The following CNTN1 variants were observed in gnomAD, a reference collection of about 807,000 sequenced individuals.
CNTN1 encodes contactin-1.
CNTN1 carries 38 observed loss-of-function variants against 126.4 expected under a neutral mutation model. That is an observed-to-expected ratio of 0.30 (90% CI 0.23 to 0.39). The LOEUF (loss-of-function observed/expected upper bound fraction) is 0.39, where lower values mean the gene tolerates loss of function less well. Among genes scored for constraint, CNTN1 ranks in the 10% least tolerant of loss-of-function variants. The pLI, the probability that CNTN1 is intolerant of heterozygous loss-of-function variation, is 1.00. For synonymous variants in CNTN1, 413 were observed against 422.6 expected, an observed-to-expected ratio of 0.98 and a Z score of 0.28; for missense variants, 1,009 against 1,248.4, an observed-to-expected ratio of 0.81 and a Z score of 2.89.
chr12:40,695,911 A>T (rs1941439682), intron 1 of CNTN1, among the ~76,000 whole-genome samples: 1 of 152,178 alleles, frequency 6.6e-6, no homozygotes. Flanking sequence ...CCCTCCCATT[A>T]GCCATTTCCT....
intron 1 of CNTN1, among the ~76,000 whole-genome samples, chr12:40,866,756 C>A (rs1264137883): frequency 2.0e-5 from 3 of 152,048 alleles, no homozygotes; most frequent in African/African-American, 7.2e-5. Flanking sequence ...TCTCACTCAC[C>A]TGTTTATTTT....
chr12:40,825,496 C>CA (rs1941583694), intron 1 of CNTN1, among the ~76,000 whole-genome samples: 2 of 152,114 alleles, frequency 1.3e-5, no homozygotes, highest in South Asian at 4.1e-4. Context: ...CTATAAAATT[C>CA]AAAATATTGG....
intron 1 of CNTN1, among the ~76,000 whole-genome samples, chr12:40,699,662 T>C (rs1327179098): frequency 6.6e-6 from 1 of 152,188 alleles, no homozygotes; most frequent in Non-Finnish European, 1.5e-5. Context: ...TCATCTTTGG[T>C]AGATTACAAA....
Position 41,061,942 on chromosome 12 carries a change from T to C in CNTN1, c.2981-8017T>C, listed in dbSNP as rs574681199. On this transcript the variant is annotated intron_variant, in intron 23 of 23. Transcript: ENST00000551295. The stretch of plus-strand genomic sequence containing the variant: ...CTAGCTTAGTATTTGAGTGTTGCTA[T>C]CTCAAGTAGGCAAAGGGAAATAAAA... 1.5e-4 allele frequency: 42 copies of C among 280,128 alleles called. 1 individual carries two copies. Among genetic ancestry groups the C allele is most frequent in the South Asian group, 1.3e-3 (41 of 31,426 alleles). 17.4% of individuals were successfully genotyped at this position (280,128 alleles called of 1,614,324 possible). A position where few individuals can be genotyped will look rare whatever the true frequency, so the allele number is the denominator to read the frequency against.
intron 16 of CNTN1, among the ~76,000 whole-genome samples, chr12:40,984,381 G>T (rs1355967188): frequency 1.3e-5 from 2 of 152,044 alleles, no homozygotes; most frequent in Non-Finnish European, 2.9e-5. Flanking sequence ...GTTTTATTTG[G>T]CTCACAGTTC....
At chr12:40,921,927 C>G (rs1198054953) in intron 4 of CNTN1, among the ~76,000 whole-genome samples, 1 of 152,118 alleles carries the variant, frequency 6.6e-6, no homozygotes, top group Non-Finnish European at 1.5e-5. Flanking sequence ...ATGAATCTAA[C>G]TGGTGCATAG....
intron 1 of CNTN1, among the ~76,000 whole-genome samples, chr12:40,694,381 C>A (rs1287934433): frequency 6.6e-6 from 1 of 152,132 alleles, no homozygotes; most frequent in Admixed American, 6.5e-5. Flanking sequence ...ATTACTTATT[C>A]CTGATGACAA....
At position 40,929,984 on chromosome 12, in the gene CNTN1, C is replaced by T. The variant is rs775098655; in HGVS notation, c.685C>T (p.Leu229Phe). 2 of 1,610,974 alleles carry T rather than the reference C, an allele frequency of 1.2e-6. No individual in the cohort carries two copies. Among genetic ancestry groups the T allele is most frequent in the Non-Finnish European group, 1.7e-6 (2 of 1,177,410 alleles). Residue 229 changes from leucine (L) to phenylalanine (F), a missense_variant, in exon 7 of 24, where the codon CTC becomes TTC. Coordinates refer to ENST00000551295, the MANE Select transcript of CNTN1 (RefSeq NM_001843.4). The part of the protein sequence containing the change: ...TKSVFSKFIP[L>F]IPIPERTTKP... ...GAGCGTGTTCAGCAAATTCATCCCA[C>T]TCATTCCAATACCTGAACGTAAGTA...
intron 1 of CNTN1, among the ~76,000 whole-genome samples, chr12:40,801,017 T>TTTTTG (rs1555160731): frequency 1.3e-5 from 2 of 149,058 alleles, no homozygotes; most frequent in African/African-American, 2.5e-5. Context: ...AGAGTTTTGT[T>TTTTTG]TTTTTTTTTT....
At chr12:41,064,087 T>C (rs1418310866) in intron 23 of CNTN1, among the ~76,000 whole-genome samples, 2 of 148,766 alleles carry the variant, frequency 1.3e-5, no homozygotes, top group African/African-American at 5.0e-5. Context: ...GGCAGGAGAA[T>C]GGCGTGAACC....
intron 1 of CNTN1, among the ~76,000 whole-genome samples, chr12:40,730,146 C>T (rs1007548301): frequency 2.6e-5 from 4 of 152,140 alleles, no homozygotes; most frequent in Admixed American, 1.3e-4. Context: ...TTTCTACACA[C>T]CCATTTTCTC....
chr12:40,949,905 A>G (rs1246555435), intron 14 of CNTN1, among the ~76,000 whole-genome samples: 1 of 151,230 alleles, frequency 6.6e-6, no homozygotes, highest in Non-Finnish European at 1.5e-5. Context: ...GAAGGTTAAG[A>G]TTATCCAGAA....
intron 1 of CNTN1, among the ~76,000 whole-genome samples, chr12:40,892,070 C>A (rs1944256414): frequency 6.6e-6 from 1 of 152,214 alleles, no homozygotes; most frequent in African/African-American, 2.4e-5. Flanking sequence ...ATAATTTGAA[C>A]TTTTCCATAC....
intron 10 of CNTN1, 99 bp from the exon 11 acceptor site, chr12:40,937,471 C>T: frequency 1.2e-6 from 1 of 813,870 alleles, no homozygotes; most frequent in East Asian, 2.5e-5. Context: ...GGCAGATGAA[C>T]ATAATGTATC....
At position 41,029,209 on chromosome 12, in the gene CNTN1, C is replaced by T. The variant is rs771138036; in HGVS notation, c.2970C>T (p.Val990=). 1 of 1,613,812 alleles carries T rather than the reference C, an allele frequency of 6.2e-7. No homozygotes were observed. Among genetic ancestry groups the T allele is most frequent in the African/African-American group, 1.3e-5 (1 of 74,884 alleles). ...GAGGAGATGGAGTGGTGTCTCAAGT[C>T]AAAATTTCAGGTAAGTGAGTCATTT... ...SDGGDGVVSQ[V]KISGAPTLSP... is the part of the protein sequence containing the mutation. The change falls in exon 23 of 24, where the codon GTC becomes GTT. Residue 990 remains valine, a synonymous_variant. Transcript: ENST00000551295.
chr12:40,714,648 A>G (rs938035723), intron 1 of CNTN1, among the ~76,000 whole-genome samples: 5 of 152,132 alleles, frequency 3.3e-5, no homozygotes, highest in African/African-American at 1.2e-4. Context: ...CAAAAATGCT[A>G]TTTAACATGA....
chr12:40,744,288 TTTAAA>T (rs1044085474), intron 1 of CNTN1, among the ~76,000 whole-genome samples: 1 of 118,612 alleles, frequency 8.4e-6, no homozygotes, highest in African/African-American at 3.1e-5. Flanking sequence ...ATCCTGGAAC[TTTAAA>T]TTAAATTAAA....
intron 17 of CNTN1, among the ~76,000 whole-genome samples, chr12:41,007,254 G>A (rs1007744782): frequency 6.6e-6 from 1 of 151,686 alleles, no homozygotes; most frequent in African/African-American, 2.4e-5. Context: ...TAGAGACGGG[G>A]TTTCACCGTT....
At chr12:40,980,049 A>G (rs1947778736) in intron 15 of CNTN1, among the ~76,000 whole-genome samples, 1 of 152,164 alleles carries the variant, frequency 6.6e-6, no homozygotes, top group Admixed American at 6.6e-5. Flanking sequence ...TATAACTAAC[A>G]TGAAATGTAT....
Sources: gnomAD v4.1 joint callset for allele counts (sites outside exome capture counted in the v4.1 genomes callset) on GRCh38, gnomAD v4.1.1 for gene constraint, MANE v1.5 for transcripts, NCBI Gene and HGNC (gene_info 2026-07-23, HGNC 2026-07-21) for gene names.